VAC14: variants seen among roughly 807,000 people sequenced by gnomAD.
VAC14 encodes the protein protein VAC14 homolog.
VAC14 carries 47 observed loss-of-function variants against 85.3 expected under a neutral mutation model. The observed-to-expected ratio is 0.55, with a 90% CI of 0.44 to 0.70. The LOEUF is 0.70. VAC14 is among the 30% of genes least tolerant of loss of function. The pLI, the probability that VAC14 is intolerant of heterozygous loss-of-function variation, is 0.00. For missense variants in VAC14, 861 were observed against 1,004.3 expected (o/e 0.86, Z 1.93); for synonymous variants, 447 against 430.5 (o/e 1.04, Z -0.47).
chr16:70,738,888 C>T (rs1211907267), intron 13 of VAC14, among the ~76,000 whole-genome samples: 1 of 152,206 alleles, frequency 6.6e-6, no homozygotes, highest in African/African-American at 2.4e-5. Context: ...CCTCCGCATG[C>T]ACTTCCAGCT....
chr16:70,731,913 C>T (rs1183934505), intron 13 of VAC14, among the ~76,000 whole-genome samples: 1 of 152,124 alleles, frequency 6.6e-6, no homozygotes, highest in African/African-American at 2.4e-5. Flanking sequence ...TCATCCAAGC[C>T]TAAACCACTT....
chr16:70,794,633 G>A (rs2034470304), intron 1 of VAC14, among the ~76,000 whole-genome samples: 1 of 152,210 alleles, frequency 6.6e-6, no homozygotes, highest in African/African-American at 2.4e-5. Flanking sequence ...CATCTCCCAA[G>A]TCCGTAAGAT....
chr16:70,789,568 G>A (rs554463128), intron 1 of VAC14, among the ~76,000 whole-genome samples: 3 of 152,318 alleles, frequency 2.0e-5, no homozygotes, highest in Admixed American at 6.5e-5. Context: ...TTCGATTCCC[G>A]GCCAATGCAG....
At chr16:70,728,927 T>G (rs545026081) in intron 14 of VAC14, among the ~76,000 whole-genome samples, 1 of 152,206 alleles carries the variant, frequency 6.6e-6, no homozygotes, top group Non-Finnish European at 1.5e-5. Context: ...TGGGGGGGCC[T>G]CTTGCACCAT....
In VAC14 at chr16:70,780,789, C is replaced by G; in HGVS notation, c.1096+1G>C. The G allele has an allele frequency of 6.3e-7, 1 of 1,594,692 alleles. No individual in the cohort carries two copies. The highest frequency in any genetic ancestry group is 8.6e-7 in the Non-Finnish European group (1 of 1,168,748). ...GAGGTGTAGGGACGGAGTCCACTCA[C>G]CACTGGCTGTGCCCTCCTGCTTTGG... On this transcript the variant is annotated splice_donor_variant, in intron 9 of 18. Transcript: ENST00000261776. LOFTEE classifies it high-confidence loss of function.
intron 12 of VAC14, chr16:70,761,286 C>A (rs544900349): frequency 5.6e-6 from 2 of 356,144 alleles, no homozygotes; most frequent in Admixed American, 3.4e-5. Flanking sequence ...CCCATCCCCC[C>A]CACCCAGCCT....
At chr16:70,786,481 C>T in intron 1 of VAC14, 116 bp from the exon 2 acceptor site, 1 of 1,363,784 alleles carries the variant, frequency 7.3e-7, no homozygotes. Context: ...AAATGGGAGA[C>T]AGGCGTCTCA....
chr16:70,696,906 TC>T, intron 16 of VAC14: 2 of 464,608 alleles, frequency 4.3e-6, no homozygotes. Context: ...ACAGGGTTTC[TC>T]CCGGGCCAGC....
intron 10 of VAC14, among the ~76,000 whole-genome samples, chr16:70,763,949 A>G (rs945060316): frequency 1.8e-4 from 27 of 152,180 alleles, no homozygotes; most frequent in Admixed American, 1.7e-3. Context: ...CTCCCTTCCT[A>G]CCGAGGCACT....
intron 3 of VAC14, 141 bp from the exon 4 acceptor site, chr16:70,784,979 A>C (rs1486130341): frequency 1.3e-6 from 1 of 764,014 alleles, no homozygotes; most frequent in Admixed American, 2.1e-5. Context: ...TTCGGTGAAC[A>C]CATTTGAGAA....
chr16:70,776,245 T>C (rs1017701849), intron 9 of VAC14, among the ~76,000 whole-genome samples: 5 of 151,952 alleles, frequency 3.3e-5, no homozygotes, highest in African/African-American at 1.2e-4. Context: ...TGACTAAAGG[T>C]GTGTGCCACC....
At chr16:70,708,029 G>C (rs2053954961) in intron 14 of VAC14, among the ~76,000 whole-genome samples, 1 of 152,168 alleles carries the variant, frequency 6.6e-6, no homozygotes, top group Admixed American at 6.5e-5. Context: ...GACCTCAGGT[G>C]ATCTGCCGCT....
At chr16:70,755,713 G>A (rs1294906005) in intron 12 of VAC14, among the ~76,000 whole-genome samples, 3 of 152,212 alleles carry the variant, frequency 2.0e-5, no homozygotes, top group East Asian at 1.9e-4. Flanking sequence ...GACCCACCAC[G>A]GTTCCTAAAG....
intron 13 of VAC14, among the ~76,000 whole-genome samples, chr16:70,735,703 C>T (rs910236733): frequency 5.3e-5 from 8 of 152,224 alleles, no homozygotes; most frequent in Non-Finnish European, 7.3e-5. Context: ...AGACAGCTCG[C>T]GTGAGCGGCA....
At chr16:70,689,138 G>A (rs544812470) in intron 18 of VAC14, 310 of 977,372 alleles carry the variant, frequency 3.2e-4, no homozygotes, top group Admixed American at 2.8e-3. Flanking sequence ...TAACTCCACC[G>A]CTTCCTAGCG....
At chr16:70,718,657 G>A (rs575401621) in intron 14 of VAC14, among the ~76,000 whole-genome samples, 1 of 152,058 alleles carries the variant, frequency 6.6e-6, no homozygotes, top group East Asian at 1.9e-4. Context: ...TCCTGGCTCA[G>A]CATCTCGTGG....
At chr16:70,722,451 T>C (rs563685665) in intron 14 of VAC14, among the ~76,000 whole-genome samples, 8 of 152,322 alleles carry the variant, frequency 5.3e-5, no homozygotes, top group East Asian at 1.9e-4. Flanking sequence ...GAAACCCTTT[T>C]GGGTGTGTTT....
intron 17 of VAC14, among the ~76,000 whole-genome samples, chr16:70,694,584 C>T (rs756427122): frequency 2.0e-5 from 3 of 152,156 alleles, no homozygotes; most frequent in Admixed American, 6.5e-5. Context: ...GGGCTTAGGC[C>T]GGGCGGGTCA....
intron 17 of VAC14, among the ~76,000 whole-genome samples, 158 bp downstream of exon 17, chr16:70,695,386 A>G (rs1597849711): frequency 6.6e-6 from 1 of 152,146 alleles, no homozygotes; most frequent in South Asian, 2.1e-4. Flanking sequence ...TGCTGGGATT[A>G]TAAGTCTCAC....
Sources: gnomAD v4.1 joint callset for allele counts (sites outside exome capture counted in the v4.1 genomes callset) on GRCh38, gnomAD v4.1.1 for gene constraint, MANE v1.5 for transcripts, NCBI Gene and HGNC (gene_info 2026-07-23, HGNC 2026-07-21) for gene names.